The following DPP6 variants were observed in gnomAD, a reference collection of about 807,000 sequenced individuals.
The protein encoded by DPP6 is A-type potassium channel modulatory protein DPP6.
A neutral mutation model predicts 122.6 loss-of-function variants in DPP6; 69 were observed. That is an observed-to-expected ratio of 0.56 (90% CI 0.46 to 0.69). The LOEUF is 0.69. Among genes scored for constraint, DPP6 ranks in the 30% least tolerant of loss-of-function variants. The pLI, the probability that DPP6 is intolerant of heterozygous loss-of-function variation, is 0.00. For missense variants in DPP6, 928 were observed against 1,116.9 expected, an observed-to-expected ratio of 0.83 and a Z score of 2.41; for synonymous variants, 418 against 433.1, an observed-to-expected ratio of 0.97 and a Z score of 0.43.
chr7:154,643,133 G>T (rs572736568), intron 6 of DPP6, among the ~76,000 whole-genome samples: 1 of 152,136 alleles, frequency 6.6e-6, no homozygotes, highest in Admixed American at 6.5e-5. Flanking sequence ...CTAAGCTGAG[G>T]CTTGTTTCAT....
chr7:154,055,745 TCTC>T (rs1800772256), intron 1 of DPP6: 1 of 152,200 alleles, frequency 6.6e-6, no homozygotes, highest in Non-Finnish European at 1.5e-5. Context: ...GCAGGAGAAA[TCTC>T]CATCACTCTT....
intron 3 of DPP6, among the ~76,000 whole-genome samples, chr7:154,498,463 G>A (rs963310670): frequency 6.6e-5 from 10 of 152,174 alleles, no homozygotes; most frequent in Middle Eastern, 3.4e-3. Flanking sequence ...TCAGCTTCCT[G>A]AGTAGCTGGG....
At chr7:154,105,724 T>C (rs1409714857) in intron 1 of DPP6, among the ~76,000 whole-genome samples, 1 of 152,194 alleles carries the variant, frequency 6.6e-6, no homozygotes, top group African/African-American at 2.4e-5. Flanking sequence ...TCCCCTGCAC[T>C]TGCTGTCTTT....
In DPP6 at chr7:154,727,896, T is replaced by A. The variant is rs6952710; in HGVS notation, c.883+9T>A. On this transcript the variant is annotated intron_variant, in intron 8 of 25. Transcript: ENST00000377770. ...TGACTGGCTGTATGAAGGTAAGATG[T>A]GCACAGAGAGAAAAAAGGAAGATTT... The A allele has an allele frequency of 1.9e-6, 3 of 1,574,616 alleles. No individual in the cohort carries two copies. The East Asian group carries it at 6.8e-5, about 36-fold the overall frequency.
intron 5 of DPP6, among the ~76,000 whole-genome samples, chr7:154,593,449 T>TA (rs1209153892): frequency 2.0e-5 from 3 of 152,232 alleles, no homozygotes; most frequent in Non-Finnish European, 4.4e-5. Flanking sequence ...ATTGCACTCT[T>TA]ACACTGTGCT....
rs1158759104 is a variant in DPP6 at position 153,939,630 on chromosome 7, A to G, written c.51+51896A>G. Among the ~76,000 whole-genome samples, 9 of 152,218 alleles carry G rather than the reference A, an allele frequency of 5.9e-5. No individual in the cohort carries two copies. The East Asian group carries it at 1.7e-3, about 29-fold the overall frequency. ...GGTTTCATTCATTTGCTTGCCATTTATTTGAATGTGTCAAGTCTTGTGCTA... is the reference window on the plus strand; with the variant it reads ...GGTTTCATTCATTTGCTTGCCATTTGTTTGAATGTGTCAAGTCTTGTGCTA... On this transcript the variant is annotated intron_variant, in intron 1 of 25. Transcript: ENST00000404039.
At chr7:154,325,121 C>T (rs1808332124) in intron 1 of DPP6, among the ~76,000 whole-genome samples, 1 of 152,110 alleles carries the variant, frequency 6.6e-6, no homozygotes, top group Non-Finnish European at 1.5e-5. Flanking sequence ...CCCACCTTGG[C>T]CTCCCAAAAT....
chr7:154,744,383 C>T (rs530534918), intron 8 of DPP6, among the ~76,000 whole-genome samples: 47 of 152,302 alleles, frequency 3.1e-4, no homozygotes, highest in African/African-American at 1.1e-3. Flanking sequence ...CATCTCTTCC[C>T]CACTAAAGGA....
chr7:154,010,452 G>A (rs778737179), intron 1 of DPP6, among the ~76,000 whole-genome samples: 3 of 152,204 alleles, frequency 2.0e-5, no homozygotes, highest in Non-Finnish European at 4.4e-5. Flanking sequence ...TCAATTAAAC[G>A]AGAATTATTT....
At chr7:154,314,659 T>C (rs1323622489) in intron 1 of DPP6, among the ~76,000 whole-genome samples, 1 of 152,174 alleles carries the variant, frequency 6.6e-6, no homozygotes, top group East Asian at 1.9e-4. Context: ...AGTCTAATCT[T>C]GCACAGGAGT....
intron 1 of DPP6, among the ~76,000 whole-genome samples, chr7:154,147,493 T>TTCCTTCCTTC (rs1563247597): frequency 7.0e-5 from 10 of 142,548 alleles, no homozygotes; most frequent in African/African-American, 2.5e-4. Flanking sequence ...TTCCTTCCTT[T>TTCCTTCCTTC]CTTTTTCTGT....
intron 1 of DPP6, among the ~76,000 whole-genome samples, chr7:154,208,451 A>G (rs1448609073): frequency 6.6e-6 from 1 of 152,204 alleles, no homozygotes; most frequent in African/African-American, 2.4e-5. Flanking sequence ...CACCCCGCTG[A>G]CTCATCCCAT....
intron 1 of DPP6, among the ~76,000 whole-genome samples, chr7:154,126,356 G>T (rs1189023713): frequency 6.6e-6 from 1 of 152,202 alleles, no homozygotes; most frequent in African/African-American, 2.4e-5. Context: ...GGGGTCATGA[G>T]AGAGGGAAGA....
intron 3 of DPP6, among the ~76,000 whole-genome samples, chr7:154,496,797 C>T (rs1009576962): frequency 1.3e-5 from 2 of 152,234 alleles, no homozygotes; most frequent in East Asian, 1.9e-4. Context: ...CACTTCATAA[C>T]ATAGAAGTGT....
intron 7 of DPP6, among the ~76,000 whole-genome samples, chr7:154,700,123 GTAAAA>G (rs201827997): frequency 0.014 from 2,105 of 152,334 alleles, 14 homozygotes; most frequent in Middle Eastern, 0.048. Flanking sequence ...CTATGTGAAT[GTAAAA>G]TAAAATAAAT....
At chr7:154,622,978 A>C (rs982742153) in intron 5 of DPP6, among the ~76,000 whole-genome samples, 2 of 152,196 alleles carry the variant, frequency 1.3e-5, no homozygotes, top group African/African-American at 4.8e-5. Flanking sequence ...TGATACAGAT[A>C]ATCAATTTCA....
intron 5 of DPP6, among the ~76,000 whole-genome samples, chr7:154,599,530 C>T (rs1833300751): frequency 6.6e-6 from 1 of 150,830 alleles, no homozygotes; most frequent in Non-Finnish European, 1.5e-5. Context: ...TATCATTATA[C>T]TTTAAGTTCT....
intron 6 of DPP6, among the ~76,000 whole-genome samples, chr7:154,641,183 G>T (rs1214635758): frequency 2.0e-5 from 3 of 152,076 alleles, no homozygotes; most frequent in Non-Finnish European, 2.9e-5. Context: ...TTCTTTCTGT[G>T]TGGAAGGTGG....
intron 8 of DPP6, among the ~76,000 whole-genome samples, chr7:154,745,398 G>A (rs780538218): frequency 6.6e-6 from 1 of 152,130 alleles, no homozygotes; most frequent in Non-Finnish European, 1.5e-5. Context: ...CAATAGAATT[G>A]CCAGAGTATC....
Sources: allele counts gnomAD v4.1 joint callset (sites outside exome capture counted in the v4.1 genomes callset), GRCh38; gene constraint gnomAD v4.1.1; transcripts MANE v1.5; gene names NCBI Gene and HGNC (gene_info 2026-07-23, HGNC 2026-07-21).